The following ANK2 variants were observed in gnomAD, a reference collection of about 807,000 sequenced individuals.
The protein encoded by ANK2 is ankyrin-2.
ANK2 carries 83 observed loss-of-function variants against 360.5 expected under a neutral mutation model. The ratio of observed to expected loss-of-function variants is 0.23; its 90% confidence interval spans 0.19 to 0.28. The LOEUF (loss-of-function observed/expected upper bound fraction) is 0.28, where lower values mean the gene tolerates loss of function less well. Ranked by LOEUF, ANK2 falls within the 10% of genes least tolerant of loss-of-function variation. ANK2 has a pLI of 1.00. For missense variants in ANK2, 4,201 were observed against 4,795.7 expected, an observed-to-expected ratio of 0.88 and a Z score of 3.66; for synonymous variants, 1,740 against 1,759.5, an observed-to-expected ratio of 0.99 and a Z score of 0.28.
the ANK2 span, among the ~76,000 whole-genome samples, chr4:112,722,682 G>T: frequency 6.6e-6 from 1 of 152,192 alleles, no homozygotes; most frequent in African/African-American, 2.4e-5. Flanking sequence ...GTGTCAGGTG[G>T]TGGCAAAAGG....
intron 17 of ANK2, 63 bp from the exon 18 acceptor site, chr4:113,282,612 T>C: frequency 1.4e-6 from 2 of 1,395,528 alleles, no homozygotes; most frequent in South Asian, 2.5e-5. Flanking sequence ...CCTTTAGAGA[T>C]ACGTATTAGA....
At chr4:113,270,343 C>A (rs959134212) in intron 14 of ANK2, among the ~76,000 whole-genome samples, 1 of 152,136 alleles carries the variant, frequency 6.6e-6, no homozygotes, top group South Asian at 2.1e-4. Flanking sequence ...ATTATTACAA[C>A]CTTTTATCTT....
the ANK2 span, among the ~76,000 whole-genome samples, chr4:112,757,923 A>C: frequency 6.8e-6 from 1 of 146,268 alleles, no homozygotes; most frequent in African/African-American, 2.5e-5. Flanking sequence ...CTCGTTTCTC[A>C]GGCTGGCGTG....
intron 2 of ANK2, among the ~76,000 whole-genome samples, chr4:112,954,519 TAGAC>T (rs1436475528): frequency 2.0e-5 from 3 of 152,136 alleles, no homozygotes; most frequent in Admixed American, 2.0e-4. Context: ...TCTAAATTGT[TAGAC>T]AGATGGTGGC....
intron 2 of ANK2, among the ~76,000 whole-genome samples, chr4:112,942,690 C>A (rs1484332635): frequency 2.6e-5 from 4 of 151,752 alleles, no homozygotes; most frequent in African/African-American, 9.7e-5. Flanking sequence ...TGTGGCACAT[C>A]TAGCATGCCT....
chr4:113,221,462 C>T (rs757869797), intron 4 of ANK2, among the ~76,000 whole-genome samples: 1 of 151,990 alleles, frequency 6.6e-6, no homozygotes, highest in Non-Finnish European at 1.5e-5. Context: ...GAGTTTGAGA[C>T]CATCCTGGCC....
intron 2 of ANK2, among the ~76,000 whole-genome samples, chr4:112,958,875 C>G (rs2033022582): frequency 1.0e-5 from 1 of 97,954 alleles, no homozygotes; most frequent in Non-Finnish European, 2.0e-5. Flanking sequence ...GGTGATGAAG[C>G]CTTGCTCTTA....
chr4:113,094,553 C>T (rs528424640), intron 1 of ANK2, among the ~76,000 whole-genome samples: 30 of 151,274 alleles, frequency 2.0e-4, no homozygotes, highest in Non-Finnish European at 2.9e-4. Context: ...CATGTGTGTG[C>T]GCGTGTGTGT....
chr4:112,991,105 G>A (rs2046591276), intron 2 of ANK2, among the ~76,000 whole-genome samples: 1 of 151,954 alleles, frequency 6.6e-6, no homozygotes. Flanking sequence ...ACAAAAATTA[G>A]CTGGGCATGG....
the ANK2 span, among the ~76,000 whole-genome samples, chr4:112,751,415 T>G: frequency 1.2e-3 from 189 of 152,326 alleles, 1 homozygote; most frequent in Middle Eastern, 6.8e-3. Context: ...TAGGCAAATA[T>G]GTAAATCCAT....
chr4:113,288,126 TTC>T (rs1216037585), intron 19 of ANK2, among the ~76,000 whole-genome samples: 1 of 152,208 alleles, frequency 6.6e-6, no homozygotes, highest in East Asian at 1.9e-4. Context: ...ATCAGAGTCA[TTC>T]TGTCTTTGCT....
At chr4:113,271,096 C>T (rs1344234239) in intron 14 of ANK2, among the ~76,000 whole-genome samples, 1 of 152,184 alleles carries the variant, frequency 6.6e-6, no homozygotes, top group East Asian at 1.9e-4. Context: ...AAGATTTCTC[C>T]TCTGATTCCG....
intron 1 of ANK2, among the ~76,000 whole-genome samples, chr4:112,841,720 G>A (rs899492831): frequency 6.6e-6 from 1 of 152,100 alleles, no homozygotes; most frequent in African/African-American, 2.4e-5. Flanking sequence ...TTAGGTATAG[G>A]TTTGCTCCAT....
Position 113,278,508 on chromosome 4 carries a change from G to A in ANK2, c.1831G>A (p.Val611Met), listed in dbSNP as rs1187803134. The A allele has an allele frequency of 1.2e-6, 2 of 1,613,974 alleles. No individual in the cohort carries two copies. Among genetic ancestry groups the A allele is most frequent in the Middle Eastern group, 1.7e-4 (1 of 6,060 alleles). The stretch of plus-strand genomic sequence containing the variant: ...TGCTGCTCATTATGACAACCAGAAG[G>A]TGGCGCTGCTGTTACTGGAGAAGGG... ...HVAAHYDNQK[V>M]ALLLLEKGAS... Residue 611 changes from valine (V) to methionine (M), a missense_variant, in exon 17 of 46, where the codon GTG becomes ATG. Around this residue, in one of 4 missense-constraint regions of ANK2, gnomAD observed 1,268 missense variants for 1,650.8 expected, o/e 0.77. Transcript: ENST00000357077.
intron 22 of ANK2, among the ~76,000 whole-genome samples, chr4:113,301,289 GT>G (rs2074835039): frequency 6.6e-6 from 1 of 151,540 alleles, no homozygotes; most frequent in African/African-American, 2.4e-5. Flanking sequence ...GAATTTTTAT[GT>G]TTTTGGGGTA....
intron 26 of ANK2, chr4:113,323,662 G>C: frequency 1.7e-6 from 2 of 1,147,112 alleles, no homozygotes. Flanking sequence ...CAATGAATAA[G>C]GTATTGGTGT....
At chr4:112,895,125 A>G (rs759408318) in intron 1 of ANK2, among the ~76,000 whole-genome samples, 14 of 152,218 alleles carry the variant, frequency 9.2e-5, no homozygotes, top group Admixed American at 3.9e-4. Context: ...GTTATCCTAA[A>G]TAGTCTTAAA....
rs185862989 is a variant in ANK2 at position 113,113,521 on chromosome 4, T to C, written c.85-60895T>C. 4.0e-3 allele frequency among the ~76,000 whole-genome samples: 613 copies of C among 152,332 alleles called. 3 individuals are homozygous for C. The highest frequency in any genetic ancestry group is 8.2e-3 in the Admixed American group (126 of 15,302). On this transcript the variant is annotated intron_variant, in intron 1 of 45. Coordinates refer to ENST00000357077, the MANE Select transcript of ANK2 (RefSeq NM_001148.6). Reference sequence around the variant, plus strand: ...AAAATATGCCCTCTCTGAAGGACAGTCTATGCTGGCTCTCAAGTTTAAATG... The same window carrying C: ...AAAATATGCCCTCTCTGAAGGACAGCCTATGCTGGCTCTCAAGTTTAAATG...
At chr4:113,360,682 A>T in intron 38 of ANK2, 141 bp from the exon 39 acceptor site, 1 of 753,962 alleles carries the variant, frequency 1.3e-6, no homozygotes, top group Non-Finnish European at 2.3e-6. Flanking sequence ...AATCAGACAC[A>T]CAATATGATC....
Sources: allele counts gnomAD v4.1 joint callset (sites outside exome capture counted in the v4.1 genomes callset), GRCh38; gene constraint gnomAD v4.1.1; regional missense constraint gnomAD v4.1.1; transcripts MANE v1.5; gene names NCBI Gene and HGNC (gene_info 2026-07-23, HGNC 2026-07-21).